The following PAK3 variants were observed in gnomAD, a reference collection of about 807,000 sequenced individuals.
The protein encoded by PAK3 is serine/threonine-protein kinase PAK 3.
A neutral mutation model predicts 41.0 loss-of-function variants in PAK3; 4 were observed. The observed-to-expected ratio is 0.10, with a 90% CI of 0.05 to 0.22. The LOEUF is 0.22. PAK3 is among the 10% of genes least tolerant of loss of function. PAK3 has a pLI of 1.00. For synonymous variants in PAK3, 146 were observed against 139.6 expected (o/e 1.05, Z -0.32); for missense variants, 205 against 409.9 (o/e 0.50, Z 4.32).
chrX:111,186,727 T>C (rs2094514660), intron 11 of PAK3, among the ~76,000 whole-genome samples: 1 of 111,881 alleles, frequency 8.9e-6, no homozygotes, highest in Non-Finnish European at 1.9e-5. Flanking sequence ...ATTTATAGAT[T>C]CAATGCTATC....
At chrX:110,947,844 C>T (rs2090652379) in intron 1 of PAK3, among the ~76,000 whole-genome samples, 1 of 111,333 alleles carries the variant, frequency 9.0e-6, no homozygotes, top group Admixed American at 9.5e-5. Flanking sequence ...CGCTTTACCC[C>T]TCCAGGCTTT....
Position 111,192,126 on chromosome X carries a change from G to T in PAK3, c.831-1G>T. 1.9e-6 allele frequency: 2 copies of T among 1,078,132 alleles called. No homozygotes were observed. Among genetic ancestry groups the T allele is most frequent in the Non-Finnish European group, 1.3e-6 (1 of 775,014 alleles). 88.9% of individuals were successfully genotyped at this position (1,078,132 alleles called of 1,213,427 possible). A position where few individuals can be genotyped will look rare whatever the true frequency, so the allele number is the denominator to read the frequency against. On this transcript the variant is annotated splice_acceptor_variant, in intron 11 of 17. Coordinates refer to ENST00000372007, the MANE Select transcript of PAK3 (RefSeq NM_002578.5). LOFTEE classifies it high-confidence loss of function. ...TCTTTTGATAATTTTCACCTTCACA[G>T]GGCATCAGGTACTGTTTATACAGCA...
At chrX:111,174,612 C>G (rs2094386074) in intron 11 of PAK3, among the ~76,000 whole-genome samples, 1 of 112,074 alleles carries the variant, frequency 8.9e-6, no homozygotes, top group Non-Finnish European at 1.9e-5. Flanking sequence ...TGTTCTATAT[C>G]TGTGCTGTCT....
chrX:111,187,990 A>G (rs2094527670), intron 11 of PAK3, among the ~76,000 whole-genome samples: 1 of 107,643 alleles, frequency 9.3e-6, no homozygotes, highest in African/African-American at 3.4e-5. Context: ...ACACAATTGC[A>G]TATATGGAGT....
At chrX:111,122,940 C>T (rs755046972) in intron 4 of PAK3, 137 bp from the exon 5 acceptor site, 9 of 507,397 alleles carry the variant, frequency 1.8e-5, no homozygotes, top group Admixed American at 3.0e-5. Context: ...AGAGAAACCC[C>T]TAAAAACGAT....
At chrX:111,072,339 G>C (rs2092751735) in intron 1 of PAK3, among the ~76,000 whole-genome samples, 1 of 112,869 alleles carries the variant, frequency 8.9e-6, no homozygotes, top group African/African-American at 3.2e-5. Context: ...CAGTGGGACA[G>C]AACCCGGTAA....
intron 1 of PAK3, among the ~76,000 whole-genome samples, chrX:111,019,685 G>A (rs1311707371): frequency 2.7e-5 from 1 of 36,564 alleles, no homozygotes; most frequent in African/African-American, 7.9e-5. Context: ...GTGAGACCCT[G>A]CCTCCAAAAA....
intron 1 of PAK3, among the ~76,000 whole-genome samples, chrX:111,057,644 A>G (rs1396140216): frequency 8.9e-6 from 1 of 111,853 alleles, no homozygotes; most frequent in Non-Finnish European, 1.9e-5. Context: ...GACAGCCAGG[A>G]TCCAGTCAAG....
intron 1 of PAK3, among the ~76,000 whole-genome samples, chrX:110,983,748 C>T (rs1420221088): frequency 3.6e-5 from 4 of 111,484 alleles, no homozygotes; most frequent in Non-Finnish European, 7.5e-5. Flanking sequence ...GACTGATGAT[C>T]TGCCACCATA....
At chrX:111,176,497 T>G (rs2094407123) in intron 11 of PAK3, among the ~76,000 whole-genome samples, 1 of 111,091 alleles carries the variant, frequency 9.0e-6, no homozygotes, top group Non-Finnish European at 1.9e-5. Context: ...GAACTTAAAG[T>G]AAAATTAAAA....
intron 1 of PAK3, among the ~76,000 whole-genome samples, chrX:110,988,808 G>A (rs1014304645): frequency 9.0e-6 from 1 of 111,650 alleles, no homozygotes; most frequent in South Asian, 3.8e-4. Flanking sequence ...TTAGGGAGGC[G>A]GCTGCAGGTA....
chrX:111,092,758 G>A (rs73264377), upstream of PAK3, among the ~76,000 whole-genome samples: 692 of 111,943 alleles, frequency 6.2e-3, 1 homozygote, highest in Non-Finnish European at 0.011. Flanking sequence ...CCCTTACTGA[G>A]GGACATTTAG....
At chrX:110,995,455 A>G (rs895594350) in intron 1 of PAK3, among the ~76,000 whole-genome samples, 1 of 110,661 alleles carries the variant, frequency 9.0e-6, no homozygotes, top group African/African-American at 3.3e-5. Context: ...GGATTCATGT[A>G]CCACTCTCAG....
chrX:111,037,569 A>G (rs1320472265), intron 1 of PAK3, among the ~76,000 whole-genome samples: 1 of 111,708 alleles, frequency 9.0e-6, no homozygotes, highest in African/African-American at 3.3e-5. Context: ...AACCCTGGCA[A>G]GAAACTAAAT....
chrX:111,146,594 A>C (rs773651926), intron 6 of PAK3: 1 of 956,833 alleles, frequency 1.0e-6, no homozygotes. Flanking sequence ...AGAAGCTTGC[A>C]TCAAAGTGCT....
intron 16 of PAK3, among the ~76,000 whole-genome samples, chrX:111,197,876 G>T (rs2094633379): frequency 9.0e-6 from 1 of 111,171 alleles, no homozygotes; most frequent in South Asian, 3.8e-4. Context: ...TTATATTTTT[G>T]GTAAAGAAGG....
At position 111,042,508 on chromosome X, in the gene PAK3, C is replaced by T. The variant is rs141127099; in HGVS notation, c.-27-80569C>T. Among the ~76,000 whole-genome samples, 397 of 111,695 alleles carry T rather than the reference C, an allele frequency of 3.6e-3. 5 individuals carry two copies. The highest frequency in any genetic ancestry group is 0.012 in the African/African-American group (375 of 30,739). Reference sequence around the variant, plus strand: ...TCTTCAGAGTTGGGGCCCTGTACCACGGCACAGGCTATGTTGCACACCCAC... The same window carrying T: ...TCTTCAGAGTTGGGGCCCTGTACCATGGCACAGGCTATGTTGCACACCCAC... On this transcript the variant is annotated intron_variant, in intron 1 of 14. Coordinates refer to the PAK3 transcript ENST00000425146.
chrX:111,050,445 A>T (rs1035394584), intron 1 of PAK3, among the ~76,000 whole-genome samples: 1 of 112,487 alleles, frequency 8.9e-6, no homozygotes, highest in East Asian at 2.8e-4. Flanking sequence ...ACCAGAAGCG[A>T]TGCTGTCAGC....
intron 10 of PAK3, among the ~76,000 whole-genome samples, chrX:111,170,875 G>T (rs1161048338): frequency 9.0e-6 from 1 of 111,414 alleles, no homozygotes; most frequent in Non-Finnish European, 1.9e-5. Flanking sequence ...GGTTAGATAG[G>T]AGCCAGATGA....
Sources: gnomAD v4.1 joint callset for allele counts (sites outside exome capture counted in the v4.1 genomes callset) on GRCh38, gnomAD v4.1.1 for gene constraint, MANE v1.5 for transcripts, NCBI Gene and HGNC (gene_info 2026-07-23, HGNC 2026-07-21) for gene names.